Variants in MSRA observed in about 807,000 individuals in gnomAD.
MSRA encodes methionine sulfoxide reductase A, also known as mitochondrial peptide methionine sulfoxide reductase.
MSRA carries 54 observed loss-of-function variants against 31.3 expected under a neutral mutation model. The ratio of observed to expected loss-of-function variants is 1.73; its 90% CI spans 1.39 to 2.17. MSRA has a LOEUF of 2.17. MSRA is among the 30% of genes most tolerant of loss of function. MSRA has a pLI of 0.00. For synonymous variants in MSRA, 169 were observed against 116.5 expected (o/e 1.45, Z -2.90); for missense variants, 507 against 300.9 (o/e 1.69, Z -5.07).
intron 3 of MSRA, among the ~76,000 whole-genome samples, chr8:10,265,399 G>C (rs1474492245): frequency 6.6e-6 from 1 of 152,134 alleles, no homozygotes; most frequent in African/African-American, 2.4e-5. Flanking sequence ...ACAAAGTGTG[G>C]TGGCTGCTGG....
intron 4 of MSRA, among the ~76,000 whole-genome samples, chr8:10,308,679 C>G (rs1436138639): frequency 1.3e-5 from 2 of 152,212 alleles, no homozygotes; most frequent in African/African-American, 4.8e-5. Flanking sequence ...CAGACTATGC[C>G]CCATCCATGC....
At chr8:10,064,931 G>C (rs1034522456) in intron 1 of MSRA, among the ~76,000 whole-genome samples, 5 of 152,122 alleles carry the variant, frequency 3.3e-5, no homozygotes, top group Non-Finnish European at 7.4e-5. Flanking sequence ...GAGACCTGAA[G>C]TAAAAAATTT....
chr8:10,232,680 G>C (rs866538145), intron 2 of MSRA, among the ~76,000 whole-genome samples: 3 of 152,040 alleles, frequency 2.0e-5, no homozygotes, highest in African/African-American at 7.3e-5. Context: ...AAATCTTAAG[G>C]GAAACTAAAA....
chr8:10,255,433 C>T (rs191800336), intron 3 of MSRA, among the ~76,000 whole-genome samples: 4 of 152,306 alleles, frequency 2.6e-5, no homozygotes, highest in South Asian at 4.1e-4. Flanking sequence ...AGTGAAATTC[C>T]GTTTTCAATT....
At chr8:10,399,703 C>T (rs553342731) in intron 5 of MSRA, among the ~76,000 whole-genome samples, 1 of 152,242 alleles carries the variant, frequency 6.6e-6, no homozygotes, top group South Asian at 2.1e-4. Context: ...AATAGGCTTC[C>T]CTGTAGCCCT....
intron 1 of MSRA, among the ~76,000 whole-genome samples, chr8:10,163,592 C>G (rs1804858783): frequency 6.6e-6 from 1 of 152,218 alleles, no homozygotes; most frequent in South Asian, 2.1e-4. Flanking sequence ...TCAGATAAAG[C>G]CAGCACATGT....
chr8:10,188,135 C>G (rs1807209812), intron 1 of MSRA, among the ~76,000 whole-genome samples: 1 of 152,220 alleles, frequency 6.6e-6, no homozygotes, highest in South Asian at 2.1e-4. Context: ...TGCCTTTACA[C>G]CAGCTTCCCC....
At chr8:10,174,972 A>C (rs984355028) in intron 1 of MSRA, among the ~76,000 whole-genome samples, 10 of 152,026 alleles carry the variant, frequency 6.6e-5, no homozygotes, top group African/African-American at 1.9e-4. Context: ...GTTAATCCAC[A>C]CAGCCATCAC....
chr8:10,120,131 A>T (rs1194996181), intron 1 of MSRA, among the ~76,000 whole-genome samples: 1 of 152,172 alleles, frequency 6.6e-6, no homozygotes, highest in African/African-American at 2.4e-5. Context: ...AACAGAAACC[A>T]GAGTTCAAGG....
At chr8:10,098,214 A>G (rs761010987) in intron 1 of MSRA, among the ~76,000 whole-genome samples, 2 of 152,144 alleles carry the variant, frequency 1.3e-5, no homozygotes, top group Non-Finnish European at 2.9e-5. Context: ...TATAAATACT[A>G]TTGGTTTGAT....
intron 2 of MSRA, among the ~76,000 whole-genome samples, chr8:10,243,959 G>T: frequency 6.6e-6 from 1 of 151,910 alleles, no homozygotes; most frequent in African/African-American, 2.4e-5. Context: ...GAATATCTTT[G>T]TATAATATAT....
intron 5 of MSRA, among the ~76,000 whole-genome samples, chr8:10,386,662 C>A (rs1806411226): frequency 6.6e-6 from 1 of 152,084 alleles, no homozygotes; most frequent in Admixed American, 6.5e-5. Flanking sequence ...CCAAAATAGG[C>A]ATGTCTAACA....
At chr8:10,204,061 A>C (rs1808733787) in intron 1 of MSRA, among the ~76,000 whole-genome samples, 1 of 152,144 alleles carries the variant, frequency 6.6e-6, no homozygotes, top group Non-Finnish European at 1.5e-5. Flanking sequence ...AGAAAATTTA[A>C]AAAGTAAAAA....
At chr8:10,369,152 G>C (rs1314219088) in intron 5 of MSRA, among the ~76,000 whole-genome samples, 1 of 151,642 alleles carries the variant, frequency 6.6e-6, no homozygotes, top group African/African-American at 2.4e-5. Flanking sequence ...TAAGGATGAA[G>C]TATTAAGTTT....
chr8:10,362,014 C>A (rs190507946), intron 5 of MSRA, among the ~76,000 whole-genome samples: 6 of 151,972 alleles, frequency 3.9e-5, no homozygotes, highest in Non-Finnish European at 8.8e-5. Flanking sequence ...ATTTTGTTTT[C>A]GTCTTTTGGC....
intron 2 of MSRA, among the ~76,000 whole-genome samples, chr8:10,230,180 G>A (rs1811345683): frequency 6.6e-6 from 1 of 152,220 alleles, no homozygotes; most frequent in African/African-American, 2.4e-5. Flanking sequence ...GCAGAGAGGG[G>A]GTTACAGGGA....
chr8:10,084,167 C>G (rs956757615), intron 1 of MSRA, among the ~76,000 whole-genome samples: 1 of 152,242 alleles, frequency 6.6e-6, no homozygotes, highest in Non-Finnish European at 1.5e-5. Flanking sequence ...GACTTGTCCA[C>G]GCTTCCAAGT....
chr8:10,101,552 A>G (rs1455414255), intron 1 of MSRA, among the ~76,000 whole-genome samples: 2 of 152,138 alleles, frequency 1.3e-5, no homozygotes, highest in African/African-American at 4.8e-5. Context: ...CAAACCCCGC[A>G]ACAGAATCGT....
rs555461580 is a variant in MSRA at position 10,334,594 on chromosome 8, G to A, written c.543+14605G>A. Among the ~76,000 whole-genome samples the A allele has an allele frequency of 1.1e-3, 163 of 152,258 alleles. 1 individual carries two copies. Among genetic ancestry groups the A allele is most frequent in the East Asian group, 2.1e-3 (11 of 5,164 alleles). Reference sequence around the variant, plus strand: ...CTCCCCGGCCTGCGCCTGCACGGCCGCGGGACGCCCGCTTGCATTTCCGCC... The same window carrying A: ...CTCCCCGGCCTGCGCCTGCACGGCCACGGGACGCCCGCTTGCATTTCCGCC... On this transcript the variant is annotated intron_variant, in intron 5 of 5. Coordinates refer to ENST00000317173, the MANE Select transcript of MSRA (RefSeq NM_012331.5).
Sources: gnomAD v4.1 joint callset for allele counts (sites outside exome capture counted in the v4.1 genomes callset) on GRCh38, gnomAD v4.1.1 for gene constraint, MANE v1.5 for transcripts, NCBI Gene and HGNC (gene_info 2026-07-23, HGNC 2026-07-21) for gene names.